The following NFASC variants were observed in gnomAD, a reference collection of about 807,000 sequenced individuals.
The protein encoded by NFASC is neurofascin.
Under a neutral mutation model 147.5 loss-of-function variants are expected in NFASC, and 43 were observed. That is an observed-to-expected ratio of 0.29 (90% confidence interval 0.23 to 0.38). The LOEUF (loss-of-function observed/expected upper bound fraction) is 0.38. Among genes scored for constraint, NFASC ranks in the 10% least tolerant of loss-of-function variants. The pLI, the probability that NFASC is intolerant of heterozygous loss-of-function variation, is 1.00. For synonymous variants in NFASC, 622 were observed against 665.5 expected (o/e 0.93, Z 1.01); for missense variants, 1,320 against 1,689.0 (o/e 0.78, Z 3.83).
chr1:204,858,839 G>A (rs1558507879), intron 1 of NFASC, among the ~76,000 whole-genome samples: 1 of 152,134 alleles, frequency 6.6e-6, no homozygotes. Context: ...TTTCTGGAAA[G>A]ACCCCAGTGA....
In NFASC at chr1:204,968,933, C is replaced by T; in HGVS notation, c.954C>T (p.Ala318=). Residue 318 remains alanine, a synonymous_variant, in exon 10 of 30, where the codon GCC becomes GCT. Coordinates refer to ENST00000339876, the MANE Select transcript of NFASC (RefSeq NM_001005388.3). The surrounding 1 kb of genome is among the most constrained non-coding windows in gnomAD (Gnocchi z 5.4). ...EEDSGEYFCL[A]SNKMGSIRHT... ...ACTCCGGGGAGTATTTCTGCCTGGCCTCCAACAAGATGGGCAGCATCCGGC... is the reference window on the plus strand; with the variant it reads ...ACTCCGGGGAGTATTTCTGCCTGGCTTCCAACAAGATGGGCAGCATCCGGC... 6.2e-7 allele frequency: 1 copy of T among 1,613,884 alleles called. No homozygotes were observed. The highest frequency in any genetic ancestry group is 8.5e-7 in the Non-Finnish European group (1 of 1,179,964).
intron 1 of NFASC, among the ~76,000 whole-genome samples, chr1:204,906,548 G>A (rs745306169): frequency 6.6e-6 from 1 of 152,174 alleles, no homozygotes; most frequent in Non-Finnish European, 1.5e-5. Flanking sequence ...TTATATTGCT[G>A]TATAGTATTC....
chr1:204,972,395 T>C (rs1220040380), intron 11 of NFASC, among the ~76,000 whole-genome samples: 1 of 151,692 alleles, frequency 6.6e-6, no homozygotes, highest in East Asian at 1.9e-4. Flanking sequence ...TTCTCTTATC[T>C]TAGCCTTTCT....
Position 204,903,437 on chromosome 1 carries a change from A to G in NFASC, c.-199-17195A>G, listed in dbSNP as rs542431616. On this transcript the variant is annotated intron_variant, in intron 1 of 29. Transcript: ENST00000339876. ...AGGAAATCATTGAGGTCCAGTAGGG[A>G]AACAAAGCACTGCCTACAGAGGCCA... is the stretch of plus-strand genomic sequence containing the variant. 1.4e-3 allele frequency among the ~76,000 whole-genome samples: 208 copies of G among 152,320 alleles called. 1 individual carries two copies. The highest frequency in any genetic ancestry group is 9.7e-4 in the Non-Finnish European group (66 of 68,028).
intron 5 of NFASC, among the ~76,000 whole-genome samples, chr1:204,952,514 A>G (rs1442341321): frequency 2.6e-5 from 4 of 152,212 alleles, no homozygotes; most frequent in African/African-American, 9.7e-5. Flanking sequence ...TAAGATGTCA[A>G]CAGACATGAA....
At chr1:204,871,232 G>A (rs558362277) in intron 1 of NFASC, among the ~76,000 whole-genome samples, 18 of 152,314 alleles carry the variant, frequency 1.2e-4, no homozygotes, top group African/African-American at 4.1e-4. Flanking sequence ...GAATCTTCCC[G>A]GCCCAGGGAG....
intron 3 of NFASC, chr1:204,944,956 C>CA (rs1385582894): frequency 6.6e-6 from 1 of 152,400 alleles, no homozygotes; most frequent in African/African-American, 2.4e-5. Flanking sequence ...GCCCCATTAT[C>CA]ATGCCGCATG....
intron 1 of NFASC, among the ~76,000 whole-genome samples, chr1:204,862,411 C>T (rs2076755059): frequency 6.6e-6 from 1 of 152,172 alleles, no homozygotes. Flanking sequence ...TTGAAGGAGA[C>T]AGCACTAATT....
At chr1:204,899,268 T>C (rs562882667) in intron 1 of NFASC, among the ~76,000 whole-genome samples, 1 of 152,346 alleles carries the variant, frequency 6.6e-6, no homozygotes, top group South Asian at 2.1e-4. Context: ...TAAGTGCTCA[T>C]TGCATCTGCA....
intron 1 of NFASC, among the ~76,000 whole-genome samples, chr1:204,902,549 T>C (rs1459571602): frequency 6.6e-6 from 1 of 152,098 alleles, no homozygotes; most frequent in Non-Finnish European, 1.5e-5. Flanking sequence ...ACATAGATGC[T>C]GAAATATCAG....
intron 27 of NFASC, chr1:205,008,363 G>A (rs2096178161): frequency 6.5e-6 from 1 of 152,742 alleles, no homozygotes; most frequent in African/African-American, 2.4e-5. Context: ...CTCCTGGAAG[G>A]AGGCTCAGTG....
intron 2 of NFASC, among the ~76,000 whole-genome samples, chr1:204,921,325 T>C (rs1032206037): frequency 6.6e-6 from 1 of 152,216 alleles, no homozygotes; most frequent in African/African-American, 2.4e-5. Flanking sequence ...GGGGAGGACA[T>C]GTGACAACTG....
intron 1 of NFASC, among the ~76,000 whole-genome samples, chr1:204,832,221 A>G (rs1672418125): frequency 1.3e-5 from 2 of 152,182 alleles, no homozygotes; most frequent in Admixed American, 6.5e-5. Context: ...GAGCTCTGTG[A>G]TGAGGTCGAG....
intron 3 of NFASC, 47 bp downstream of exon 3, chr1:204,944,453 A>AG: frequency 2.0e-6 from 1 of 488,806 alleles, no homozygotes; most frequent in Non-Finnish European, 3.8e-6. Context: ...GATTTTGGGC[A>AG]GAGGGGTGGG....
At chr1:204,920,570 T>G in intron 1 of NFASC, 62 bp from the exon 2 acceptor site, 1 of 704,802 alleles carries the variant, frequency 1.4e-6, no homozygotes, top group Non-Finnish European at 2.0e-6. Flanking sequence ...CCACAAAGGC[T>G]TTTTTTTTTC....
At chr1:204,950,228 C>T (rs1459595857) in intron 3 of NFASC, among the ~76,000 whole-genome samples, 1 of 152,250 alleles carries the variant, frequency 6.6e-6, no homozygotes, top group African/African-American at 2.4e-5. Context: ...GGGCCTCTTT[C>T]AAGCAGCATT....
At position 204,898,652 on chromosome 1, in the gene NFASC, C is replaced by T. The variant is rs549992332; in HGVS notation, c.-199-21980C>T. 2.0e-5 allele frequency among the ~76,000 whole-genome samples: 3 copies of T among 152,258 alleles called. No individual in the cohort carries two copies. In the South Asian group the frequency reaches 6.2e-4, roughly 32 times the overall value. ...TTCTTTCTGTCTATTCCCAGTGGGC[C>T]AAAAGGCAGGCGGGGAGACGGGGGA... On this transcript the variant is annotated intron_variant, in intron 1 of 29. Transcript: ENST00000339876.
chr1:204,887,359 C>A (rs1214944081), intron 1 of NFASC, among the ~76,000 whole-genome samples: 2 of 152,116 alleles, frequency 1.3e-5, no homozygotes, highest in Non-Finnish European at 2.9e-5. Flanking sequence ...GAATAATAGA[C>A]CTTTATTTGC....
At position 204,939,038 on chromosome 1, in the gene NFASC, A is replaced by ATGGATGTGTGTGTGTGTG. The variant is rs1553266033; in HGVS notation, c.-90-5186_-90-5185insGATGTGTGTGTGTGTGTG. ...TTCTCTTTTCTTCCTGTATGGATGG[A>ATGGATGTGTGTGTGTGTG]TGTGTGTGTGTGTGTGTGTGTGTGT... On this transcript the variant is annotated intron_variant, in intron 2 of 29. Transcript: ENST00000339876. 2.2e-3 allele frequency among the ~76,000 whole-genome samples: 276 copies of ATGGATGTGTGTGTGTGTG among 123,718 alleles called. 1 individual carries two copies. Among genetic ancestry groups the ATGGATGTGTGTGTGTGTG allele is most frequent in the Middle Eastern group, 4.1e-3 (1 of 244 alleles). 81.2% of individuals were successfully genotyped at this position (123,718 alleles called of 152,430 possible).
Sources: allele counts gnomAD v4.1 joint callset (sites outside exome capture counted in the v4.1 genomes callset), GRCh38; gene constraint gnomAD v4.1.1; non-coding constraint Gnocchi (gnomAD v3.1); transcripts MANE v1.5; gene names NCBI Gene and HGNC (gene_info 2026-07-23, HGNC 2026-07-21).